The following C8orf48 variants were observed in gnomAD, a reference collection of about 807,000 sequenced individuals.
C8orf48 encodes uncharacterized protein C8orf48.
For synonymous variants in C8orf48, 188 were observed against 138.2 expected, an observed-to-expected ratio of 1.36 and a Z score of -2.53; for missense variants, 580 against 363.3, an observed-to-expected ratio of 1.60 and a Z score of -4.85.
Position 13,567,184 on chromosome 8 carries a change from G to A in C8orf48, c.193G>A (p.Glu65Lys), listed in dbSNP as rs1054380187. Reference protein sequence around the residue: ...LEREKQTPSLEQGDTQSELLD... With the variant: ...LEREKQTPSLKQGDTQSELLD... The stretch of plus-strand genomic sequence containing the variant: ...GAGGGAAAAGCAGACTCCAAGCTTG[G>A]AACAAGGAGACACACAATCTGAGCT... The change falls in exon 1 of 1, where the codon GAA becomes AAA. Residue 65 changes from glutamate (E) to lysine (K), a missense_variant. Physicochemically the swap from Glu to Lys is moderately conservative, Grantham distance 56 (BLOSUM62 1). Transcript: ENST00000297324. 20 of 1,551,768 alleles carry A rather than the reference G, an allele frequency of 1.3e-5. No individual in the cohort carries two copies. The highest frequency in any genetic ancestry group is 1.7e-5 in the Non-Finnish European group (19 of 1,147,002).
Position 13,567,087 on chromosome 8 carries a change from A to T in C8orf48, c.96A>T (p.Val32=), listed in dbSNP as rs1804464075. ...CTTTGAAGAACTCTACTGATGAGGT[A>T]CAGACTTCCAGCTCATTCAGCTCCT... is the stretch of plus-strand genomic sequence containing the variant. ...TETLKNSTDE[V]QTSSSFSSSG... is the part of the protein sequence containing the mutation. Residue 32 remains valine, a synonymous_variant, in exon 1 of 1, where the codon GTA becomes GTT. Coordinates refer to ENST00000297324, the MANE Select transcript of C8orf48 (RefSeq NM_001007090.3). 2.6e-6 allele frequency: 4 copies of T among 1,551,764 alleles called. No individual in the cohort carries two copies. Among genetic ancestry groups the T allele is most frequent in the Non-Finnish European group, 3.5e-6 (4 of 1,147,004 alleles).
chr8:13,567,151 A>C lies in C8orf48; in HGVS notation c.160A>C (p.Lys54Gln), dbSNP rs1045157915. Residue 54 changes from lysine to glutamine, a missense_variant, in exon 1 of 1, where the codon AAA becomes CAA. By Grantham distance (53) the Lys-to-Gln change is moderately conservative. Coordinates refer to ENST00000297324, the MANE Select transcript of C8orf48 (RefSeq NM_001007090.3). ...GTCCTCGCCCCTGACCTCTGGGAGC[A>C]AACTGGAGAGGGAAAAGCAGACTCC... is the stretch of plus-strand genomic sequence containing the variant. ...RQSSPLTSGS[K>Q]LEREKQTPSL... The C allele has an allele frequency of 4.5e-6, 7 of 1,551,686 alleles. No individual in the cohort carries two copies. Among genetic ancestry groups the C allele is most frequent in the Non-Finnish European group, 5.2e-6 (6 of 1,147,014 alleles).
At position 13,566,972 on chromosome 8, in the gene C8orf48, G is replaced by T. The variant is rs1585281989; in HGVS notation, c.-20G>T. ...TTAACCTGGGCAAAGGAGATGAGGA[G>T]CCGAGCCTGATGCATTGTGATGGCC... On this transcript the variant is annotated 5_prime_UTR_variant, in exon 1 of 1. Transcript: ENST00000297324. 2 of 1,527,240 alleles carry T rather than the reference G, an allele frequency of 1.3e-6. No homozygotes were observed. The highest frequency in any genetic ancestry group is 2.5e-5 in the East Asian group (1 of 40,676). 94.6% of individuals were successfully genotyped at this position (1,527,240 alleles called of 1,614,324 possible).
chr8:13,566,953 T>C lies in C8orf48; in HGVS notation c.-39T>C. 3.3e-6 allele frequency: 5 copies of C among 1,500,750 alleles called. No homozygotes were observed. Among genetic ancestry groups the C allele is most frequent in the Non-Finnish European group, 4.5e-6 (5 of 1,122,594 alleles). The allele number at this position is 1,500,750 out of a possible 1,614,324, so 93.0% of individuals were successfully genotyped here. Reference sequence around the variant, plus strand: ...ACGGGTTCCTGAGCCAGTCTTAACCTGGGCAAAGGAGATGAGGAGCCGAGC... The same window carrying C: ...ACGGGTTCCTGAGCCAGTCTTAACCCGGGCAAAGGAGATGAGGAGCCGAGC... On this transcript the variant is annotated 5_prime_UTR_variant, in exon 1 of 1. Transcript: ENST00000297324.
Position 13,566,946 on chromosome 8 carries a change from C to T in C8orf48, c.-46C>T. 1.3e-6 allele frequency: 2 copies of T among 1,495,320 alleles called. No individual in the cohort carries two copies. Among genetic ancestry groups the T allele is most frequent in the Non-Finnish European group, 1.8e-6 (2 of 1,120,106 alleles). 92.6% of individuals were successfully genotyped at this position (1,495,320 alleles called of 1,614,324 possible). ...GCTCCTGACGGGTTCCTGAGCCAGT[C>T]TTAACCTGGGCAAAGGAGATGAGGA... On this transcript the variant is annotated 5_prime_UTR_variant, in exon 1 of 1. Coordinates refer to ENST00000297324, the MANE Select transcript of C8orf48 (RefSeq NM_001007090.3).
chr8:13,567,702 C>A lies in C8orf48; in HGVS notation c.711C>A (p.Thr237=). ...LQERIDEHLH[T]KDFLTRIGEA... ...AGAGAATAGATGAACATCTTCATAC[C>A]AAAGACTTTCTCACCCGTATTGGAG... Residue 237 remains threonine, a synonymous_variant, in exon 1 of 1, where the codon ACC becomes ACA. Coordinates refer to ENST00000297324, the MANE Select transcript of C8orf48 (RefSeq NM_001007090.3). 1 of 1,551,930 alleles carries A rather than the reference C, an allele frequency of 6.4e-7. No homozygotes were observed. The highest frequency in any genetic ancestry group is 2.4e-5 in the East Asian group (1 of 40,918).
Position 13,567,992 on chromosome 8 carries a change from T to C in C8orf48, c.*41T>C. 1 of 1,479,218 alleles carries C rather than the reference T, an allele frequency of 6.8e-7. No homozygotes were observed. The highest frequency in any genetic ancestry group is 9.0e-7 in the Non-Finnish European group (1 of 1,114,290). The allele number at this position is 1,479,218 out of a possible 1,614,324, so 91.6% of individuals were successfully genotyped here. A position where few individuals can be genotyped will look rare whatever the true frequency, so the allele number is the denominator to read the frequency against. ...TTGTTGTGTATTTGAGTAATTACCA[T>C]AATTTCTACAGGCACTTGGGAAACT... is the stretch of plus-strand genomic sequence containing the variant. On this transcript the variant is annotated 3_prime_UTR_variant, in exon 1 of 1. Coordinates refer to ENST00000297324, the MANE Select transcript of C8orf48 (RefSeq NM_001007090.3).
In C8orf48 at chr8:13,567,208, C is replaced by A. The variant is rs754815517; in HGVS notation, c.217C>A (p.Leu73Ile). The stretch of plus-strand genomic sequence containing the variant: ...GGAACAAGGAGACACACAATCTGAG[C>A]TTTTGGACTATAAAAATTATGAAAA... The part of the protein sequence containing the change: ...SLEQGDTQSE[L>I]LDYKNYEKKL... The change falls in exon 1 of 1, where the codon CTT becomes ATT. Residue 73 changes from leucine to isoleucine, a missense_variant. Transcript: ENST00000297324. The A allele has an allele frequency of 6.4e-6, 10 of 1,551,504 alleles. No homozygotes were observed. The highest frequency in any genetic ancestry group is 8.7e-6 in the Non-Finnish European group (10 of 1,146,984).
chr8:13,567,093 T>G lies in C8orf48; in HGVS notation c.102T>G (p.Thr34=), dbSNP rs149488225. 894 of 1,551,752 alleles carry G rather than the reference T, an allele frequency of 5.8e-4. 5 individuals carry two copies. In the African/African-American group the frequency reaches 9.9e-3, roughly 17 times the overall value. The stretch of plus-strand genomic sequence containing the variant: ...AGAACTCTACTGATGAGGTACAGAC[T>G]TCCAGCTCATTCAGCTCCTCTGGAG... ...TLKNSTDEVQ[T]SSSFSSSGGR... The change falls in exon 1 of 1, where the codon ACT becomes ACG. Residue 34 remains threonine (T), a synonymous_variant. Transcript: ENST00000297324.
Position 13,567,159 on chromosome 8 carries a change from G to A in C8orf48, c.168G>A (p.Glu56=). Residue 56 remains glutamate (E), a synonymous_variant, in exon 1 of 1, where the codon GAG becomes GAA. Coordinates refer to ENST00000297324, the MANE Select transcript of C8orf48 (RefSeq NM_001007090.3). The stretch of plus-strand genomic sequence containing the variant: ...CCCTGACCTCTGGGAGCAAACTGGA[G>A]AGGGAAAAGCAGACTCCAAGCTTGG... The part of the protein sequence containing the change: ...SSPLTSGSKL[E]REKQTPSLEQ... 1.3e-6 allele frequency: 2 copies of A among 1,551,798 alleles called. No individual in the cohort carries two copies. The highest frequency in any genetic ancestry group is 2.0e-5 in the Admixed American group (1 of 51,008).
Position 13,567,222 on chromosome 8 carries a change from A to C in C8orf48, c.231A>C (p.Lys77Asn), listed in dbSNP as rs1169011433. The C allele has an allele frequency of 6.4e-7, 1 of 1,551,588 alleles. No individual in the cohort carries two copies. Among genetic ancestry groups the C allele is most frequent in the East Asian group, 2.4e-5 (1 of 40,900 alleles). ...CACAATCTGAGCTTTTGGACTATAA[A>C]AATTATGAAAAGAAGTTGAGTAAAA... is the stretch of plus-strand genomic sequence containing the variant. ...GDTQSELLDY[K>N]NYEKKLSKKW... Residue 77 changes from lysine (K) to asparagine (N), a missense_variant, in exon 1 of 1, where the codon AAA becomes AAC. Physicochemically the swap from Lys to Asn is moderately conservative, Grantham distance 94 (BLOSUM62 0). Coordinates refer to ENST00000297324, the MANE Select transcript of C8orf48 (RefSeq NM_001007090.3).
rs939776976 is a variant in C8orf48, at chr8:13,568,065, C to T, written c.*114C>T. ...CCTTCACAGATTTGAGGACTAAGAA[C>T]TTTCACTTTTTTTTTCCTATTATAG... On this transcript the variant is annotated 3_prime_UTR_variant, in exon 1 of 1. Transcript: ENST00000297324. 7 of 1,201,612 alleles carry T rather than the reference C, an allele frequency of 5.8e-6. No homozygotes were observed. Among genetic ancestry groups the T allele is most frequent in the Non-Finnish European group, 7.9e-6 (7 of 880,504 alleles). The allele number at this position is 1,201,612 out of a possible 1,614,324, so 74.4% of individuals were successfully genotyped here.
chr8:13,567,897 C>A lies in C8orf48; in HGVS notation c.906C>A (p.Leu302=). 6.4e-7 allele frequency: 1 copy of A among 1,551,960 alleles called. No homozygotes were observed. The highest frequency in any genetic ancestry group is 8.7e-7 in the Non-Finnish European group (1 of 1,146,974). Residue 302 remains leucine (L), a synonymous_variant, in exon 1 of 1, where the codon CTC becomes CTA. Coordinates refer to ENST00000297324, the MANE Select transcript of C8orf48 (RefSeq NM_001007090.3). The stretch of plus-strand genomic sequence containing the variant: ...ATTTACCATTTTCTCTGCCATTTCT[C>A]AAGCGACTTACTCTAATCAAACCAG... The part of the protein sequence containing the change: ...ACHLPFSLPF[L]KRLTLIKPEL...
At position 13,567,908 on chromosome 8, in the gene C8orf48, C is replaced by G. The variant is rs190827878; in HGVS notation, c.917C>G (p.Thr306Ser). 5.4e-5 allele frequency: 84 copies of G among 1,551,742 alleles called. No homozygotes were observed. The highest frequency in any genetic ancestry group is 6.5e-5 in the Non-Finnish European group (75 of 1,146,898). The change falls in exon 1 of 1, where the codon ACT (threonine) becomes AGT (serine). Residue 306 changes from threonine to serine, a missense_variant. Physicochemically the swap from Thr to Ser is moderately conservative, Grantham distance 58. Coordinates refer to ENST00000297324, the MANE Select transcript of C8orf48 (RefSeq NM_001007090.3). ...PFSLPFLKRL[T>S]LIKPELVIVN... ...TCTCTGCCATTTCTCAAGCGACTTA[C>G]TCTAATCAAACCAGAGCTGGTGATT...
In C8orf48 at chr8:13,567,657, G is replaced by T; in HGVS notation, c.666G>T (p.Leu222=). The part of the protein sequence containing the change: ...SAFLKQKKTL[L]ESFLLQERID... ...TTCTGAAACAAAAGAAGACTTTACT[G>T]GAGTCATTTCTACTCCAAGAGAGAA... The change falls in exon 1 of 1, where the codon CTG becomes CTT. Residue 222 remains leucine, a synonymous_variant. Coordinates refer to ENST00000297324, the MANE Select transcript of C8orf48 (RefSeq NM_001007090.3). 2 of 1,551,760 alleles carry T rather than the reference G, an allele frequency of 1.3e-6. No homozygotes were observed. The highest frequency in any genetic ancestry group is 1.4e-5 in the African/African-American group (1 of 73,148).
the C8orf48 span, chr8:13,567,011 T>TG: frequency 6.5e-7 from 1 of 1,549,714 alleles, no homozygotes; most frequent in Non-Finnish European, 8.7e-7. Flanking sequence ...TGCCCAGAAT[T>TG]GGCCCAAACG....
rs1346316130 is a variant in C8orf48 at position 13,567,997 on chromosome 8, T to G, written c.*46T>G. 6.8e-7 allele frequency: 1 copy of G among 1,475,452 alleles called. No individual in the cohort carries two copies. Among genetic ancestry groups the G allele is most frequent in the Non-Finnish European group, 9.0e-7 (1 of 1,112,564 alleles). 91.4% of individuals were successfully genotyped at this position (1,475,452 alleles called of 1,614,324 possible). ...GTGTATTTGAGTAATTACCATAATT[T>G]CTACAGGCACTTGGGAAACTAACTT... On this transcript the variant is annotated 3_prime_UTR_variant, in exon 1 of 1. Coordinates refer to ENST00000297324, the MANE Select transcript of C8orf48 (RefSeq NM_001007090.3).
Position 13,568,186 on chromosome 8 carries a change from G to A in C8orf48, c.*235G>A, listed in dbSNP as rs1408458712. 6 of 452,482 alleles carry A rather than the reference G, an allele frequency of 1.3e-5. 1 individual carries two copies. The Admixed American group carries it at 1.6e-4, about 12-fold the overall frequency. 28.0% of individuals were successfully genotyped at this position (452,482 alleles called of 1,614,324 possible). A position where few individuals can be genotyped will look rare whatever the true frequency, so the allele number is the denominator to read the frequency against. Reference sequence around the variant, plus strand: ...GGGCCAGGATGTTGATGGTACAGAAGCAAAGTAGTATGGGGATGTAAGAGA... The same window carrying A: ...GGGCCAGGATGTTGATGGTACAGAAACAAAGTAGTATGGGGATGTAAGAGA... On this transcript the variant is annotated 3_prime_UTR_variant, in exon 1 of 1. Transcript: ENST00000297324.
In C8orf48 at chr8:13,568,275, T is replaced by C; in HGVS notation, c.*324T>C. On this transcript the variant is annotated 3_prime_UTR_variant, in exon 1 of 1. Transcript: ENST00000297324. ...CTATGGGGAATTAATAAATAGTAGA[T>C]GTTTGAAATGTTATTAAGGCTCTGA... 8.9e-6 allele frequency: 2 copies of C among 223,590 alleles called. No individual in the cohort carries two copies. The highest frequency in any genetic ancestry group is 1.2e-4 in the East Asian group (1 of 8,282). The allele number at this position is 223,590 out of a possible 1,614,324, so 13.9% of individuals were successfully genotyped here.
Sources: allele counts gnomAD v4.1 joint callset, GRCh38; gene constraint gnomAD v4.1.1; transcripts MANE v1.5; gene names NCBI Gene and HGNC (gene_info 2026-07-23, HGNC 2026-07-21).